The following SCN8A variants were observed in gnomAD, a reference collection of about 807,000 sequenced individuals.
The protein encoded by SCN8A is sodium channel protein type 8 subunit alpha.
Under a neutral mutation model 184.1 loss-of-function variants are expected in SCN8A, and 30 were observed. That is an observed-to-expected ratio of 0.16 (90% CI 0.12 to 0.22). The LOEUF is 0.22. Among genes scored for constraint, SCN8A ranks in the 10% least tolerant of loss-of-function variants. SCN8A has a pLI of 1.00. For missense variants in SCN8A, 1,057 were observed against 2,498.9 expected (o/e 0.42, Z 12.30); for synonymous variants, 852 against 907.0 (o/e 0.94, Z 1.09).
At chr12:51,630,281 CAAGCCTCTG>C (rs1399398531) in intron 1 of SCN8A, among the ~76,000 whole-genome samples, 1 of 152,064 alleles carries the variant, frequency 6.6e-6, no homozygotes, top group Non-Finnish European at 1.5e-5. Context: ...TCCCTGCTCC[CAAGCCTCTG>C]ACAACCGCCA....
At chr12:51,754,283 G>A (rs1179696924) in intron 14 of SCN8A, among the ~76,000 whole-genome samples, 1 of 150,156 alleles carries the variant, frequency 6.7e-6, no homozygotes, top group Non-Finnish European at 1.5e-5. Flanking sequence ...TAAACATTCT[G>A]AATCTTACAG....
intron 12 of SCN8A, among the ~76,000 whole-genome samples, chr12:51,735,676 TG>T: frequency 6.6e-6 from 1 of 152,328 alleles, no homozygotes; most frequent in Admixed American, 6.5e-5. Flanking sequence ...TGGGTGGCTG[TG>T]GTTGACGGGT....
At chr12:51,756,082 G>A (rs303774) in intron 14 of SCN8A, among the ~76,000 whole-genome samples, 27,396 of 151,886 alleles carry the variant, frequency 0.18, 3,103 homozygotes, top group Non-Finnish European at 0.25. Flanking sequence ...CTCACAGTAG[G>A]CCTTCGCCTG....
chr12:51,677,570 C>G (rs1472109764), intron 2 of SCN8A, among the ~76,000 whole-genome samples: 1 of 152,100 alleles, frequency 6.6e-6, no homozygotes, highest in Non-Finnish European at 1.5e-5. Context: ...TCTACCTGGC[C>G]TTGCACGGTG....
intron 14 of SCN8A, among the ~76,000 whole-genome samples, chr12:51,762,106 T>C (rs1183784032): frequency 1.3e-5 from 2 of 152,212 alleles, no homozygotes; most frequent in African/African-American, 4.8e-5. Context: ...ATTAATACTT[T>C]ATTTTTCTAA....
intron 1 of SCN8A, among the ~76,000 whole-genome samples, chr12:51,622,111 T>A (rs968349893): frequency 6.6e-6 from 1 of 152,256 alleles, no homozygotes; most frequent in African/African-American, 2.4e-5. Context: ...ACAGTTAATT[T>A]TTCTCGCTAA....
At chr12:51,712,341 G>A in intron 11 of SCN8A, 5 of 596,858 alleles carry the variant, frequency 8.4e-6, no homozygotes, top group South Asian at 8.0e-5. Context: ...CCTTCCTTCT[G>A]TGGCAGATTT....
intron 2 of SCN8A, among the ~76,000 whole-genome samples, chr12:51,664,882 C>G (rs371979640): frequency 7.9e-5 from 12 of 152,214 alleles, no homozygotes; most frequent in African/African-American, 2.6e-4. Flanking sequence ...CTCCCTCCCC[C>G]CATTCCCTAC....
At chr12:51,617,572 A>G (rs943508361) in intron 1 of SCN8A, among the ~76,000 whole-genome samples, 11 of 152,276 alleles carry the variant, frequency 7.2e-5, no homozygotes, top group Admixed American at 1.3e-4. Flanking sequence ...GCCTTTGCCA[A>G]TTCTAACATC....
At chr12:51,737,319 G>T (rs1942343112) in intron 12 of SCN8A, among the ~76,000 whole-genome samples, 1 of 152,290 alleles carries the variant, frequency 6.6e-6, no homozygotes, top group Non-Finnish European at 1.5e-5. Flanking sequence ...GTAGGTGAAT[G>T]CTGAGTTGAA....
At position 51,765,654 on chromosome 12, in the gene SCN8A, GTT is replaced by G; in HGVS notation, c.2545-8_2545-7del. 8.5e-7 allele frequency: 1 copy of G among 1,172,598 alleles called. No individual in the cohort carries two copies. 72.6% of individuals were successfully genotyped at this position (1,172,598 alleles called of 1,614,324 possible). Reference sequence around the variant, plus strand: ...GAGTATCATTTATTTTTTTGTTTGGGTTTTTTTTTTCCTTAGCTCCGAGTCTT... The same window carrying G: ...GAGTATCATTTATTTTTTTGTTTGGGTTTTTTTTCCTTAGCTCCGAGTCTT... On this transcript the variant is annotated splice_polypyrimidine_tract_variant and intron_variant, in intron 15 of 26. Coordinates refer to ENST00000627620, the MANE Select transcript of SCN8A (RefSeq NM_001330260.2).
intron 14 of SCN8A, among the ~76,000 whole-genome samples, chr12:51,755,533 A>G (rs1942660660): frequency 1.3e-5 from 2 of 152,194 alleles, no homozygotes; most frequent in Non-Finnish European, 2.9e-5. Context: ...GTAGAGATCT[A>G]GGCTGAGTAT....
At chr12:51,713,723 T>C (rs912804288) in intron 11 of SCN8A, 29 of 376,882 alleles carry the variant, frequency 7.7e-5, no homozygotes, top group Non-Finnish European at 8.0e-5. Context: ...TTTTTCAAAG[T>C]ATTTTAATTG....
At chr12:51,773,696 T>C (rs955003828) in intron 19 of SCN8A, among the ~76,000 whole-genome samples, 1 of 152,186 alleles carries the variant, frequency 6.6e-6, no homozygotes, top group African/African-American at 2.4e-5. Flanking sequence ...TAAAAACCCA[T>C]ACACAGATGT....
chr12:51,788,773 C>G (rs1441545387), intron 23 of SCN8A, 25 bp downstream of exon 23: 2 of 1,599,126 alleles, frequency 1.3e-6, no homozygotes, highest in Admixed American at 1.7e-5. Context: ...GGCGAAAATA[C>G]CACCTTCTCA....
At chr12:51,626,079 G>A (rs1940071838) in intron 1 of SCN8A, among the ~76,000 whole-genome samples, 1 of 152,182 alleles carries the variant, frequency 6.6e-6, no homozygotes, top group African/African-American at 2.4e-5. Flanking sequence ...AAGGAGCGAG[G>A]GGAAAGCATG....
At chr12:51,633,641 T>C (rs4761823) in intron 1 of SCN8A, among the ~76,000 whole-genome samples, 106,351 of 152,124 alleles carry the variant, frequency 0.7, 40,218 homozygotes, top group East Asian at 0.86. Context: ...TGTTGCACAT[T>C]AAACTTGAAG....
chr12:51,668,166 A>G (rs904297150), intron 2 of SCN8A, among the ~76,000 whole-genome samples: 5 of 138,634 alleles, frequency 3.6e-5, no homozygotes, highest in Non-Finnish European at 6.3e-5. Context: ...CTGGGCAACA[A>G]GAGTGAAACT....
At chr12:51,661,155 G>A (rs895704404) in intron 1 of SCN8A, among the ~76,000 whole-genome samples, 2 of 152,098 alleles carry the variant, frequency 1.3e-5, no homozygotes, top group African/African-American at 4.8e-5. Flanking sequence ...TGTGACTCAG[G>A]GCAAGTTGTC....
Sources: allele counts gnomAD v4.1 joint callset (sites outside exome capture counted in the v4.1 genomes callset), GRCh38; gene constraint gnomAD v4.1.1; transcripts MANE v1.5; gene names NCBI Gene and HGNC (gene_info 2026-07-23, HGNC 2026-07-21).